Variants in NAALAD2 observed in about 807,000 individuals in gnomAD.
NAALAD2 encodes the protein N-acetylated alpha-linked acidic dipeptidase 2.
Under a neutral mutation model 95.6 loss-of-function variants are expected in NAALAD2, and 89 were observed. That is an observed-to-expected ratio of 0.93 (90% CI 0.78 to 1.11). The LOEUF (loss-of-function observed/expected upper bound fraction) is 1.11, where lower values mean the gene tolerates loss of function less well. NAALAD2 is among the 50% of genes least tolerant of loss of function. NAALAD2 has a pLI of 0.00. For missense variants in NAALAD2, 894 were observed against 872.4 expected (o/e 1.02, Z -0.31); for synonymous variants, 264 against 294.4 (o/e 0.90, Z 1.06).
At chr11:90,169,969 A>T (rs1382413742) in intron 12 of NAALAD2, 100 bp from the exon 13 acceptor site, 1 of 798,706 alleles carries the variant, frequency 1.3e-6, no homozygotes, top group Non-Finnish European at 2.2e-6. Context: ...TTTGAAGATC[A>T]TTATATCTTG....
At chr11:90,155,893 TTA>T (rs1351093063) in intron 6 of NAALAD2, among the ~76,000 whole-genome samples, 1 of 142,902 alleles carries the variant, frequency 7.0e-6, no homozygotes, top group African/African-American at 2.6e-5. Flanking sequence ...GTAATATATA[TTA>T]TATATTATAT....
chr11:90,180,092 T>C (rs1218756807), intron 16 of NAALAD2, among the ~76,000 whole-genome samples: 1 of 151,796 alleles, frequency 6.6e-6, no homozygotes, highest in African/African-American at 2.4e-5. Flanking sequence ...AATGAATGAA[T>C]GAATACATAA....
intron 6 of NAALAD2, among the ~76,000 whole-genome samples, chr11:90,153,624 T>A (rs968746990): frequency 3.3e-5 from 5 of 152,102 alleles, no homozygotes; most frequent in Admixed American, 2.0e-4. Context: ...GAATGAAATC[T>A]ATAAATCAAT....
intron 18 of NAALAD2, among the ~76,000 whole-genome samples, chr11:90,184,879 G>A (rs1320446593): frequency 6.6e-6 from 1 of 151,942 alleles, no homozygotes; most frequent in Non-Finnish European, 1.5e-5. Context: ...AAAATGAATG[G>A]TTGTGTCTGT....
chr11:90,155,390 A>T (rs1246399974), intron 6 of NAALAD2, among the ~76,000 whole-genome samples: 4 of 80,068 alleles, frequency 5.0e-5, no homozygotes, highest in Non-Finnish European at 8.4e-5. Context: ...TTATACATGT[A>T]ATATATAATA....
At chr11:90,179,635 A>T (rs1042813678) in intron 16 of NAALAD2, among the ~76,000 whole-genome samples, 1 of 152,140 alleles carries the variant, frequency 6.6e-6, no homozygotes, top group African/African-American at 2.4e-5. Context: ...CAGAGAAATA[A>T]GCAGAGCCTA....
chr11:90,150,400 T>A, intron 4 of NAALAD2, 82 bp from the exon 5 acceptor site: 3 of 827,294 alleles, frequency 3.6e-6, no homozygotes, highest in Non-Finnish European at 3.6e-6. Flanking sequence ...TTTGATGATG[T>A]AGTATTGTGA....
chr11:90,148,008 T>C (rs1951790106), intron 3 of NAALAD2, among the ~76,000 whole-genome samples: 1 of 152,150 alleles, frequency 6.6e-6, no homozygotes, highest in African/African-American at 2.4e-5. Flanking sequence ...AAATATGAAG[T>C]AGGCCACGAT....
At position 90,178,191 on chromosome 11, in the gene NAALAD2, A is replaced by G. The variant is rs997345335; in HGVS notation, c.1858+74A>G. The G allele has an allele frequency of 2.9e-5, 42 of 1,441,738 alleles. No individual in the cohort carries two copies. The Middle Eastern group carries it at 1.3e-3, about 43-fold the overall frequency. The allele number at this position is 1,441,738 out of a possible 1,614,324, so 89.3% of individuals were successfully genotyped here. ...AAGATATTATCTCCTATGATGATCA[A>G]TGCATATTGTTTCATCCTAGAATAC... On this transcript the variant is annotated intron_variant, in intron 16 of 18. Transcript: ENST00000534061.
chr11:90,150,578 A>G lies in NAALAD2; in HGVS notation c.580A>G (p.Arg194Gly). ...INCTGKIVIA[R>G]YGKIFRGNKV... ...CTGTACTGGGAAGATTGTTATTGCA[A>G]GATATGGAAAAATCTTCAGAGGAAA... The change falls in exon 5 of 19, where the codon AGA becomes GGA. Residue 194 changes from arginine to glycine, a missense_variant. Coordinates refer to ENST00000534061, the MANE Select transcript of NAALAD2 (RefSeq NM_005467.4). The G allele has an allele frequency of 6.2e-7, 1 of 1,600,496 alleles. No homozygotes were observed. Among genetic ancestry groups the G allele is most frequent in the Non-Finnish European group, 8.6e-7 (1 of 1,169,048 alleles).
chr11:90,182,264 T>C (rs1952996304), intron 17 of NAALAD2, among the ~76,000 whole-genome samples: 1 of 152,140 alleles, frequency 6.6e-6, no homozygotes, highest in African/African-American at 2.4e-5. Flanking sequence ...GTAACAAGCA[T>C]AAATTTATCC....
At chr11:90,173,937 T>C in intron 14 of NAALAD2, 22 bp downstream of exon 14, 1 of 1,473,068 alleles carries the variant, frequency 6.8e-7, no homozygotes, top group South Asian at 1.1e-5. Flanking sequence ...ATATGCACCT[T>C]TTCTACTGTA....
chr11:90,189,539 C>CG (rs1042073814), intron 18 of NAALAD2, among the ~76,000 whole-genome samples: 7 of 152,012 alleles, frequency 4.6e-5, no homozygotes, highest in Non-Finnish European at 7.4e-5. Context: ...GAGGTTAAGG[C>CG]GGGTGGATTA....
intron 11 of NAALAD2, chr11:90,164,411 G>A (rs1418393724): frequency 1.3e-5 from 2 of 152,066 alleles, no homozygotes; most frequent in Non-Finnish European, 2.9e-5. Context: ...ATGTTACATA[G>A]GTAAACTGTG....
At chr11:90,156,780 G>C (rs550912534) in intron 6 of NAALAD2, among the ~76,000 whole-genome samples, 5 of 152,024 alleles carry the variant, frequency 3.3e-5, no homozygotes, top group South Asian at 2.1e-4. Flanking sequence ...TTTAGAGATG[G>C]GTCTTGTTGT....
chr11:90,166,307 TTGTGTA>T (rs1427498641), intron 11 of NAALAD2, among the ~76,000 whole-genome samples: 1 of 152,072 alleles, frequency 6.6e-6, no homozygotes, highest in Non-Finnish European at 1.5e-5. Context: ...GTGTGTGTGT[TTGTGTA>T]TGTGTATGAG....
chr11:90,174,323 C>T (rs1388533141), intron 14 of NAALAD2, among the ~76,000 whole-genome samples: 2 of 150,490 alleles, frequency 1.3e-5, no homozygotes, highest in Non-Finnish European at 3.0e-5. Flanking sequence ...AAGAGTGAAA[C>T]TCCATCTCAA....
At chr11:90,182,356 TATC>T (rs1245953220) in intron 17 of NAALAD2, among the ~76,000 whole-genome samples, 3 of 152,108 alleles carry the variant, frequency 2.0e-5, no homozygotes, top group Admixed American at 1.3e-4. Context: ...AGAAAGCTAT[TATC>T]AGTAGTTTTA....
intron 9 of NAALAD2, 97 bp downstream of exon 9, chr11:90,163,131 C>T: frequency 8.3e-7 from 1 of 1,208,602 alleles, no homozygotes; most frequent in Non-Finnish European, 1.2e-6. Context: ...GGTTTTTTGG[C>T]TGATTTGAAA....
Sources: allele counts gnomAD v4.1 joint callset (sites outside exome capture counted in the v4.1 genomes callset), GRCh38; gene constraint gnomAD v4.1.1; transcripts MANE v1.5; gene names NCBI Gene and HGNC (gene_info 2026-07-23, HGNC 2026-07-21).